IFT88: variants seen among roughly 807,000 people sequenced by gnomAD.
IFT88 encodes the protein intraflagellar transport 88, also known as intraflagellar transport protein 88 homolog.
IFT88 carries 74 observed loss-of-function variants against 119.5 expected under a neutral mutation model. That is an observed-to-expected ratio of 0.62 (90% CI 0.51 to 0.75). IFT88 has a LOEUF of 0.75. IFT88 is among the 30% of genes least tolerant of loss of function. The probability of loss-of-function intolerance (pLI) is 0.00; values close to 1 mark genes in which losing one functional copy is unlikely to be tolerated. For missense variants in IFT88, 961 were observed against 977.7 expected, an observed-to-expected ratio of 0.98 and a Z score of 0.23; for synonymous variants, 279 against 316.7, an observed-to-expected ratio of 0.88 and a Z score of 1.26.
chr13:20,595,202 G>A (rs1005712330), intron 7 of IFT88, among the ~76,000 whole-genome samples: 4 of 152,290 alleles, frequency 2.6e-5, no homozygotes, highest in South Asian at 2.1e-4. Context: ...AGTTCAAGCC[G>A]TAGTGCATTA....
chr13:20,589,006 C>T (rs1045487129), intron 3 of IFT88, among the ~76,000 whole-genome samples: 4 of 152,186 alleles, frequency 2.6e-5, no homozygotes, highest in Non-Finnish European at 5.9e-5. Context: ...TCCAGTGTCT[C>T]AGACTTGTCT....
chr13:20,611,514 C>CAAAAAAAAA (rs56062553), intron 13 of IFT88, among the ~76,000 whole-genome samples: 1 of 59,074 alleles, frequency 1.7e-5, no homozygotes, highest in Non-Finnish European at 2.9e-5. Flanking sequence ...GACCCAGTCT[C>CAAAAAAAAA]AAAAAAAAAA....
intron 1 of IFT88, among the ~76,000 whole-genome samples, chr13:20,568,750 C>T (rs1019017783): frequency 3.3e-5 from 5 of 151,980 alleles, no homozygotes; most frequent in Admixed American, 6.5e-5. Context: ...CGGAGTCGCA[C>T]GCTCTGTTGC....
At chr13:20,656,122 T>TAAAA (rs60352862) in intron 21 of IFT88, among the ~76,000 whole-genome samples, 3 of 104,768 alleles carry the variant, frequency 2.9e-5, no homozygotes, top group African/African-American at 3.8e-5. Context: ...CTCGTCTCTT[T>TAAAA]AAAAAAAAAA....
chr13:20,685,732 T>G (rs923175616), intron 24 of IFT88, among the ~76,000 whole-genome samples: 1 of 151,792 alleles, frequency 6.6e-6, no homozygotes, highest in Non-Finnish European at 1.5e-5. Context: ...ATACAGAAAT[T>G]AACCGGGCAT....
intron 16 of IFT88, chr13:20,631,466 TA>T (rs2048196187): frequency 5.5e-6 from 1 of 182,726 alleles, no homozygotes; most frequent in Non-Finnish European, 1.2e-5. Context: ...GTATCAACTC[TA>T]ACAAGCATTT....
At chr13:20,690,677 A>C in intron 24 of IFT88, 28 bp from the exon 25 acceptor site, 2 of 1,378,748 alleles carry the variant, frequency 1.5e-6, no homozygotes, top group Non-Finnish European at 2.1e-6. Context: ...CATATTAAAC[A>C]AATGCATTTT....
chr13:20,645,624 G>T (rs2050629083), intron 20 of IFT88, among the ~76,000 whole-genome samples: 1 of 151,828 alleles, frequency 6.6e-6, no homozygotes, highest in Non-Finnish European at 1.5e-5. Flanking sequence ...CAGTTTTGTT[G>T]GTTTCAATTT....
At chr13:20,594,692 A>C (rs2041328891) in intron 7 of IFT88, among the ~76,000 whole-genome samples, 1 of 152,218 alleles carries the variant, frequency 6.6e-6, no homozygotes, top group Non-Finnish European at 1.5e-5. Context: ...AGTGTTTCAG[A>C]CAACTAGAAA....
chr13:20,590,209 T>C (rs1384002138), intron 4 of IFT88, among the ~76,000 whole-genome samples: 2 of 152,158 alleles, frequency 1.3e-5, no homozygotes, highest in Non-Finnish European at 2.9e-5. Context: ...GTGTATATAA[T>C]TGGGAAACAT....
At chr13:20,685,643 G>A (rs529648564) in intron 24 of IFT88, among the ~76,000 whole-genome samples, 8 of 152,340 alleles carry the variant, frequency 5.3e-5, no homozygotes, top group Non-Finnish European at 5.9e-5. Flanking sequence ...GGCCAAGGCA[G>A]GCAGATCACT....
chr13:20,591,536 T>C, intron 5 of IFT88, 82 bp from the exon 6 acceptor site: 1 of 990,652 alleles, frequency 1.0e-6, no homozygotes, highest in East Asian at 2.6e-5. Context: ...AATAGGGCTA[T>C]ATTAAGGTGT....
chr13:20,629,531 A>G (rs903062108), intron 15 of IFT88, among the ~76,000 whole-genome samples: 5 of 152,244 alleles, frequency 3.3e-5, no homozygotes, highest in African/African-American at 9.6e-5. Context: ...CTTTAAAAGA[A>G]TAATTTGCTT....
intron 2 of IFT88, among the ~76,000 whole-genome samples, chr13:20,580,724 CTTTTTTTTTTT>C (rs1162699940): frequency 1.6e-5 from 2 of 122,740 alleles, no homozygotes; most frequent in African/African-American, 3.1e-5. Context: ...TTTCTTTTTT[CTTTTTTTTTTT>C]TTTTTTTTGA....
At chr13:20,573,890 A>C (rs367959249) in intron 1 of IFT88, among the ~76,000 whole-genome samples, 1 of 152,216 alleles carries the variant, frequency 6.6e-6, no homozygotes, top group Non-Finnish European at 1.5e-5. Context: ...GTAGTTGTGA[A>C]ATAAATGTGA....
intron 11 of IFT88, among the ~76,000 whole-genome samples, chr13:20,600,024 A>G (rs960391046): frequency 2.0e-5 from 3 of 152,128 alleles, no homozygotes; most frequent in African/African-American, 7.2e-5. Flanking sequence ...AGAAACAGTA[A>G]GTTCTCTTAT....
Position 20,604,185 on chromosome 13 carries a change from A to T in IFT88, c.1042-850A>T, listed in dbSNP as rs552703484. 2.0e-5 allele frequency among the ~76,000 whole-genome samples: 3 copies of T among 152,294 alleles called. No individual in the cohort carries two copies. The South Asian group carries it at 6.2e-4, about 32-fold the overall frequency. On this transcript the variant is annotated intron_variant, in intron 12 of 25. Transcript: ENST00000351808. ...GAGCCCAGAAGTTGAGACTGCAGTG[A>T]CCCATGATCATGCCACAGTGCTCCA...
intron 20 of IFT88, among the ~76,000 whole-genome samples, chr13:20,646,528 G>C (rs1566339116): frequency 6.6e-6 from 1 of 151,898 alleles, no homozygotes; most frequent in Non-Finnish European, 1.5e-5. Flanking sequence ...ATGTTGGTGA[G>C]GCTGGTCTTG....
intron 13 of IFT88, 79 bp from the exon 14 acceptor site, chr13:20,615,714 G>T (rs2045495094): frequency 2.8e-6 from 2 of 722,314 alleles, no homozygotes; most frequent in African/African-American, 1.8e-5. Context: ...GATAGATAAT[G>T]TTTACACTTA....
Sources: allele counts gnomAD v4.1 joint callset (sites outside exome capture counted in the v4.1 genomes callset), GRCh38; gene constraint gnomAD v4.1.1; transcripts MANE v1.5; gene names NCBI Gene and HGNC (gene_info 2026-07-23, HGNC 2026-07-21).